ERC2: variants seen among roughly 807,000 people sequenced by gnomAD.
The protein encoded by ERC2 is ELKS/RAB6-interacting/CAST family member 2.
In ERC2, 42 loss-of-function variants were observed where a neutral mutation model predicts 114.8. The observed-to-expected ratio is 0.37, with a 90% CI of 0.29 to 0.47. The LOEUF is 0.47. Ranked by LOEUF, ERC2 falls within the 20% of genes least tolerant of loss-of-function variation. ERC2 has a pLI of 0.99. For synonymous variants in ERC2, 454 were observed against 425.5 expected (o/e 1.07, Z -0.82); for missense variants, 939 against 1,150.7 (o/e 0.82, Z 2.66).
At chr3:56,017,784 A>G (rs2073409021) in intron 8 of ERC2, among the ~76,000 whole-genome samples, 1 of 152,098 alleles carries the variant, frequency 6.6e-6, no homozygotes, top group African/African-American at 2.4e-5. Context: ...CACCTCCACT[A>G]GAGTCTAAAC....
chr3:55,938,284 A>T (rs1363746662), intron 13 of ERC2, among the ~76,000 whole-genome samples: 1 of 149,994 alleles, frequency 6.7e-6, no homozygotes, highest in Non-Finnish European at 1.5e-5. Context: ...AGCTTTGAGA[A>T]TTAAAAACAT....
At chr3:56,381,103 G>T (rs2059731632) in intron 2 of ERC2, among the ~76,000 whole-genome samples, 1 of 152,082 alleles carries the variant, frequency 6.6e-6, no homozygotes, top group Admixed American at 6.6e-5. Flanking sequence ...ATTTGATTAT[G>T]CCAAGAAAAA....
At chr3:55,725,865 G>A (rs1360239929) in intron 15 of ERC2, among the ~76,000 whole-genome samples, 1 of 152,204 alleles carries the variant, frequency 6.6e-6, no homozygotes, top group Admixed American at 6.5e-5. Flanking sequence ...GGCAAACTGA[G>A]TGGATTCCCT....
chr3:56,453,745 T>C (rs1256164290), intron 1 of ERC2, among the ~76,000 whole-genome samples: 1 of 152,224 alleles, frequency 6.6e-6, no homozygotes, highest in Non-Finnish European at 1.5e-5. Flanking sequence ...CTGATTTCTT[T>C]ACTGACAAAT....
intron 6 of ERC2, among the ~76,000 whole-genome samples, chr3:56,101,976 G>A (rs2078384075): frequency 6.6e-6 from 1 of 152,144 alleles, no homozygotes; most frequent in African/African-American, 2.4e-5. Context: ...TTTTGATTGG[G>A]CTACCTTTGA....
At chr3:56,196,969 T>C (rs1416437779) in intron 3 of ERC2, among the ~76,000 whole-genome samples, 1 of 152,076 alleles carries the variant, frequency 6.6e-6, no homozygotes, top group Non-Finnish European at 1.5e-5. Flanking sequence ...ACAATAGTAT[T>C]TTCACAGTGT....
At chr3:55,579,707 T>C (rs1005620131) in intron 17 of ERC2, among the ~76,000 whole-genome samples, 1 of 152,234 alleles carries the variant, frequency 6.6e-6, no homozygotes, top group Non-Finnish European at 1.5e-5. Context: ...AAATGATTCA[T>C]TCTTCCACCC....
At chr3:55,831,722 G>A (rs7616709) in intron 14 of ERC2, among the ~76,000 whole-genome samples, 49,280 of 151,936 alleles carry the variant, frequency 0.32, 9,324 homozygotes, top group African/African-American at 0.51. Context: ...CTGAGGTACC[G>A]CGTTCATCCC....
chr3:55,863,254 A>G (rs1415289344), intron 14 of ERC2, among the ~76,000 whole-genome samples: 3 of 152,132 alleles, frequency 2.0e-5, no homozygotes, highest in African/African-American at 7.2e-5. Flanking sequence ...AGTGATTCAG[A>G]TAGACTCAGT....
At chr3:56,000,608 A>G (rs1285445514) in intron 10 of ERC2, among the ~76,000 whole-genome samples, 1 of 152,152 alleles carries the variant, frequency 6.6e-6, no homozygotes, top group Non-Finnish European at 1.5e-5. Context: ...CCACCTAAAC[A>G]TGTGTCAAAG....
intron 14 of ERC2, among the ~76,000 whole-genome samples, chr3:55,783,974 T>C (rs1433597582): frequency 6.6e-6 from 1 of 152,196 alleles, no homozygotes; most frequent in Non-Finnish European, 1.5e-5. Context: ...ATATAAAATT[T>C]CTAAAAAGTA....
intron 17 of ERC2, among the ~76,000 whole-genome samples, chr3:55,601,589 A>G (rs1027872600): frequency 1.3e-5 from 2 of 152,174 alleles, no homozygotes; most frequent in Non-Finnish European, 1.5e-5. Context: ...CTTCCTGCCT[A>G]TGGGAGAGCT....
intron 3 of ERC2, among the ~76,000 whole-genome samples, chr3:56,235,029 A>G (rs148536872): frequency 2.4e-4 from 36 of 152,298 alleles, no homozygotes; most frequent in African/African-American, 7.7e-4. Context: ...ATTTTTCCCT[A>G]TAGCCTTGAA....
At chr3:56,308,972 C>A (rs1242591827) in intron 2 of ERC2, among the ~76,000 whole-genome samples, 1 of 152,176 alleles carries the variant, frequency 6.6e-6, no homozygotes, top group East Asian at 1.9e-4. Context: ...GTTCTCTGAT[C>A]CCTTTCTCTG....
intron 3 of ERC2, among the ~76,000 whole-genome samples, chr3:56,201,650 T>A (rs2048413894): frequency 6.6e-6 from 1 of 152,240 alleles, no homozygotes; most frequent in South Asian, 2.1e-4. Flanking sequence ...CAAAGCCATT[T>A]GCTTCAGTGG....
intron 3 of ERC2, among the ~76,000 whole-genome samples, chr3:56,237,245 A>G (rs2051010665): frequency 6.6e-6 from 1 of 152,108 alleles, no homozygotes; most frequent in Non-Finnish European, 1.5e-5. Context: ...TCATGCCACC[A>G]GATGACGGCG....
chr3:55,902,793 T>C (rs939518668), intron 13 of ERC2, among the ~76,000 whole-genome samples: 2 of 152,100 alleles, frequency 1.3e-5, no homozygotes, highest in Non-Finnish European at 2.9e-5. Flanking sequence ...TTACTCTGCT[T>C]CTCACCTGGC....
At chr3:55,899,669 CA>C (rs1320659486) in intron 13 of ERC2, among the ~76,000 whole-genome samples, 1 of 152,044 alleles carries the variant, frequency 6.6e-6, no homozygotes, top group Non-Finnish European at 1.5e-5. Context: ...GTGAGGAAAG[CA>C]GGTGGTAAAT....
At chr3:55,899,560 A>G (rs2149341765) in intron 13 of ERC2, among the ~76,000 whole-genome samples, 1 of 152,266 alleles carries the variant, frequency 6.6e-6, no homozygotes, top group East Asian at 1.9e-4. Context: ...AAGAAATTAA[A>G]TAATAAATTA....
Sources: allele counts gnomAD v4.1 joint callset (sites outside exome capture counted in the v4.1 genomes callset), GRCh38; gene constraint gnomAD v4.1.1; transcripts MANE v1.5; gene names NCBI Gene and HGNC (gene_info 2026-07-23, HGNC 2026-07-21).